The following TMEM44 variants were observed in gnomAD, a reference collection of about 807,000 sequenced individuals.
TMEM44 encodes transmembrane protein 44.
TMEM44 carries 43 observed loss-of-function variants against 47.8 expected under a neutral mutation model. The observed-to-expected ratio is 0.90, with a 90% CI of 0.70 to 1.16. TMEM44 has a LOEUF of 1.16. Ranked by LOEUF, TMEM44 falls within the 50% of genes most tolerant of loss-of-function variation. The probability of loss-of-function intolerance (pLI) is 0.00; values close to 1 mark genes in which losing one functional copy is unlikely to be tolerated. For synonymous variants in TMEM44, 277 were observed against 238.8 expected (o/e 1.16, Z -1.48); for missense variants, 568 against 555.2 (o/e 1.02, Z -0.23).
intron 3 of TMEM44, among the ~76,000 whole-genome samples, chr3:194,624,495 T>C (rs1326137286): frequency 6.6e-6 from 1 of 151,896 alleles, no homozygotes; most frequent in East Asian, 1.9e-4. Context: ...CACAGCTCAC[T>C]GCAGCCTCCA....
chr3:194,615,452 A>T (rs1256864356), intron 7 of TMEM44, 117 bp downstream of exon 7: 1 of 1,403,862 alleles, frequency 7.1e-7, no homozygotes, highest in Non-Finnish European at 9.6e-7. Context: ...AGTCGCCTGC[A>T]GAGAACACTC....
In TMEM44 at chr3:194,628,450, G is replaced by A. The variant is rs768420518; in HGVS notation, c.197C>T (p.Ala66Val). ...ACACAGACTGGTCAGGAGGCAGCAC[G>A]CAGCACACAGTGCCGACTGGTCCTG... ...PRQDQSALCA[A>V]CCLLTSLCDT... Residue 66 changes from alanine (A) to valine (V), a missense_variant, in exon 2 of 10, where the codon GCG becomes GTG. By Grantham distance (64) the Ala-to-Val change is moderately conservative. Coordinates refer to ENST00000347147, the MANE Select transcript of TMEM44 (RefSeq NM_001011655.3). The A allele has an allele frequency of 5.6e-6, 9 of 1,613,490 alleles. No individual in the cohort carries two copies. Among genetic ancestry groups the A allele is most frequent in the South Asian group, 3.3e-5 (3 of 90,904 alleles).
At position 194,598,740 on chromosome 3, in the gene TMEM44, G is replaced by C. The variant is rs193127092; in HGVS notation, c.1176+5547C>G. On this transcript the variant is annotated intron_variant, in intron 9 of 9. Transcript: ENST00000347147. ...AATTCTCCACTTCCCCTAGCGTACC[G>C]CAAGAAGTATTCAAAACAGTCGGTC... Among the ~76,000 whole-genome samples the C allele has an allele frequency of 7.0e-4, 106 of 152,300 alleles. No homozygotes were observed. The East Asian group carries it at 0.015, about 22-fold the overall frequency.
intron 3 of TMEM44, among the ~76,000 whole-genome samples, chr3:194,625,011 C>A (rs1156895229): frequency 6.6e-6 from 1 of 152,134 alleles, no homozygotes; most frequent in East Asian, 1.9e-4. Context: ...GCCACCATGC[C>A]CGGCCCCCTC....
At chr3:194,594,133 A>ATCTG (rs1196298353) in intron 9 of TMEM44, among the ~76,000 whole-genome samples, 3 of 143,980 alleles carry the variant, frequency 2.1e-5, no homozygotes, top group Admixed American at 7.0e-5. Context: ...CTATCTATCT[A>ATCTG]TCTATCTATC....
At chr3:194,599,396 C>T (rs996387121) in intron 9 of TMEM44, among the ~76,000 whole-genome samples, 2 of 152,164 alleles carry the variant, frequency 1.3e-5, no homozygotes, top group African/African-American at 4.8e-5. Context: ...ACCGCCTCGC[C>T]CACCTTCGGC....
chr3:194,613,783 C>A (rs1246821001), intron 7 of TMEM44, among the ~76,000 whole-genome samples: 2 of 151,312 alleles, frequency 1.3e-5, no homozygotes, highest in Non-Finnish European at 2.9e-5. Flanking sequence ...TGAGCCACTG[C>A]ACATGACCTC....
intron 1 of TMEM44, 162 bp downstream of exon 1, chr3:194,632,917 G>T: frequency 1.8e-6 from 2 of 1,104,692 alleles, no homozygotes; most frequent in Non-Finnish European, 2.5e-6. Flanking sequence ...CCGGAAAGAA[G>T]ATCCCACTTC....
chr3:194,606,667 C>T (rs997891468), intron 8 of TMEM44, among the ~76,000 whole-genome samples: 1 of 152,134 alleles, frequency 6.6e-6, no homozygotes, highest in Non-Finnish European at 1.5e-5. Context: ...AGGCCAGGCA[C>T]GGTGGCTCAC....
chr3:194,617,299 G>GGGGGGGC, intron 5 of TMEM44, 30 bp from the exon 6 acceptor site: 7 of 619,700 alleles, frequency 1.1e-5, no homozygotes, highest in East Asian at 5.0e-5. Flanking sequence ...GGCTGGGCGG[G>GGGGGGGC]AGAAGCAGCA....
chr3:194,615,430 G>A, intron 7 of TMEM44, 139 bp downstream of exon 7: 15 of 1,209,640 alleles, frequency 1.2e-5, no homozygotes, highest in Admixed American at 2.3e-5. Context: ...AGCGAGACAG[G>A]ACAGCTGTCT....
intron 9 of TMEM44, among the ~76,000 whole-genome samples, chr3:194,593,447 C>G (rs1159365563): frequency 6.6e-6 from 1 of 152,092 alleles, no homozygotes; most frequent in East Asian, 1.9e-4. Flanking sequence ...AACTCAAACC[C>G]ATAAAACTGA....
intron 8 of TMEM44, among the ~76,000 whole-genome samples, chr3:194,605,234 T>C (rs879082978): frequency 6.6e-6 from 1 of 152,218 alleles, no homozygotes; most frequent in Non-Finnish European, 1.5e-5. Flanking sequence ...CATGGGCTCA[T>C]GGGGACTCCT....
At chr3:194,594,137 A>ATCTGTCTGTCTG (rs1157567717) in intron 9 of TMEM44, among the ~76,000 whole-genome samples, 1,661 of 145,850 alleles carry the variant, frequency 0.011, 32 homozygotes, top group African/African-American at 0.04. Context: ...CTATCTATCT[A>ATCTGTCTGTCTG]TCTATCTATC....
chr3:194,600,821 T>G (rs1714014521), intron 9 of TMEM44, among the ~76,000 whole-genome samples: 1 of 152,154 alleles, frequency 6.6e-6, no homozygotes, highest in Non-Finnish European at 1.5e-5. Flanking sequence ...ATCACACACC[T>G]GAAAAAAGAT....
chr3:194,590,151 C>T (rs1294091311), intron 9 of TMEM44: 1 of 152,216 alleles, frequency 6.6e-6, no homozygotes, highest in Non-Finnish European at 1.5e-5. Flanking sequence ...ATCTTGAAGT[C>T]TCCCTGAGCC....
intron 9 of TMEM44, among the ~76,000 whole-genome samples, chr3:194,602,040 T>G (rs1211279742): frequency 6.6e-6 from 1 of 152,192 alleles, no homozygotes; most frequent in African/African-American, 2.4e-5. Flanking sequence ...TCCGGTCCCC[T>G]TTAGCCTTAG....
intron 9 of TMEM44, among the ~76,000 whole-genome samples, chr3:194,592,440 C>G (rs897995937): frequency 2.0e-5 from 3 of 152,158 alleles, no homozygotes; most frequent in Admixed American, 6.5e-5. Context: ...ATTGCAACAG[C>G]TACTGCAGCC....
intron 8 of TMEM44, among the ~76,000 whole-genome samples, 168 bp downstream of exon 8, chr3:194,610,748 C>T (rs1396104590): frequency 6.6e-6 from 1 of 152,192 alleles, no homozygotes; most frequent in African/African-American, 2.4e-5. Flanking sequence ...CTCCAACACT[C>T]CCCCATATCT....
Sources: allele counts gnomAD v4.1 joint callset (sites outside exome capture counted in the v4.1 genomes callset), GRCh38; gene constraint gnomAD v4.1.1; transcripts MANE v1.5; gene names NCBI Gene and HGNC (gene_info 2026-07-23, HGNC 2026-07-21).